Variants in L3MBTL4 observed in about 807,000 individuals in gnomAD.
The protein encoded by L3MBTL4 is lethal(3)malignant brain tumor-like protein 4.
A neutral mutation model predicts 84.5 loss-of-function variants in L3MBTL4; 70 were observed. The ratio of observed to expected loss-of-function variants is 0.83; its 90% CI spans 0.68 to 1.01. The LOEUF is 1.01. Ranked by LOEUF, L3MBTL4 falls within the 50% of genes least tolerant of loss-of-function variation. The pLI, the probability that L3MBTL4 is intolerant of heterozygous loss-of-function variation, is 0.00. For synonymous variants in L3MBTL4, 274 were observed against 259.8 expected, an observed-to-expected ratio of 1.05 and a Z score of -0.52; for missense variants, 715 against 754.8, an observed-to-expected ratio of 0.95 and a Z score of 0.62.
chr18:6,373,849 G>A (rs1428639509), intron 1 of L3MBTL4, among the ~76,000 whole-genome samples: 2 of 151,624 alleles, frequency 1.3e-5, no homozygotes, highest in Non-Finnish European at 2.9e-5. Context: ...AAACTTGAAT[G>A]TGACAGATTA....
At chr18:6,075,310 A>T (rs921770991) in intron 16 of L3MBTL4, among the ~76,000 whole-genome samples, 8 of 152,328 alleles carry the variant, frequency 5.3e-5, no homozygotes, top group Admixed American at 4.6e-4. Flanking sequence ...AAGACACCAT[A>T]GTATTGGCAC....
intron 12 of L3MBTL4, among the ~76,000 whole-genome samples, chr18:6,175,260 G>A (rs997045274): frequency 1.3e-5 from 2 of 152,050 alleles, no homozygotes; most frequent in African/African-American, 4.8e-5. Flanking sequence ...GTGCAGGCAA[G>A]AAGATAATAA....
intron 14 of L3MBTL4, among the ~76,000 whole-genome samples, chr18:6,128,740 T>A (rs2059780803): frequency 6.6e-6 from 1 of 151,340 alleles, no homozygotes; most frequent in Non-Finnish European, 1.5e-5. Context: ...CATAAATTGG[T>A]GAAAAGAGCT....
chr18:5,991,677 G>A (rs895232840), intron 16 of L3MBTL4, among the ~76,000 whole-genome samples: 2 of 152,056 alleles, frequency 1.3e-5, no homozygotes, highest in African/African-American at 2.4e-5. Context: ...AAAGAACAAA[G>A]AATTAGCCAG....
intron 16 of L3MBTL4, among the ~76,000 whole-genome samples, chr18:6,051,062 C>G (rs2056820719): frequency 6.6e-6 from 1 of 152,138 alleles, no homozygotes; most frequent in Non-Finnish European, 1.5e-5. Context: ...GGAGGCACAT[C>G]CCGCAGAACT....
intron 10 of L3MBTL4, 101 bp from the exon 11 acceptor site, chr18:6,215,936 ATGCTCAC>A: frequency 3.3e-6 from 2 of 612,030 alleles, no homozygotes; most frequent in Non-Finnish European, 5.5e-6. Context: ...TGTTAATTGA[ATGCTCAC>A]CATTAAACAG....
chr18:6,386,489 G>A (rs2054824266), intron 1 of L3MBTL4, among the ~76,000 whole-genome samples: 1 of 152,208 alleles, frequency 6.6e-6, no homozygotes, highest in Non-Finnish European at 1.5e-5. Context: ...AGTAAACAAA[G>A]CAAAGTTCCA....
intron 1 of L3MBTL4, among the ~76,000 whole-genome samples, chr18:6,329,327 G>C (rs1487106979): frequency 4.0e-5 from 6 of 151,450 alleles, no homozygotes; most frequent in African/African-American, 1.5e-4. Context: ...CTAATTTTTT[G>C]TATTTTTAGT....
intron 14 of L3MBTL4, among the ~76,000 whole-genome samples, chr18:6,123,540 A>G (rs187189681): frequency 1.3e-5 from 2 of 151,700 alleles, no homozygotes; most frequent in African/African-American, 4.8e-5. Flanking sequence ...TGCCTTTGCT[A>G]CTCCTTCGCC....
chr18:5,969,708 C>G, intron 16 of L3MBTL4, 146 bp from the exon 17 acceptor site: 1 of 715,716 alleles, frequency 1.4e-6, no homozygotes, highest in Admixed American at 3.0e-5. Flanking sequence ...ACAGCATCAC[C>G]CCCAAGCATA....
chr18:6,224,169 A>G (rs1189634067), intron 10 of L3MBTL4, among the ~76,000 whole-genome samples: 2 of 152,270 alleles, frequency 1.3e-5, no homozygotes, highest in Admixed American at 1.3e-4. Context: ...GAACAGGTAA[A>G]AAGCCAAATG....
chr18:6,133,418 G>C (rs562288141), intron 14 of L3MBTL4, among the ~76,000 whole-genome samples: 5 of 152,086 alleles, frequency 3.3e-5, no homozygotes, highest in African/African-American at 1.2e-4. Context: ...TATACTCCTA[G>C]TGCTTGTCTA....
intron 16 of L3MBTL4, among the ~76,000 whole-genome samples, chr18:6,066,593 A>G (rs1404055694): frequency 1.3e-5 from 2 of 152,130 alleles, no homozygotes; most frequent in Non-Finnish European, 2.9e-5. Flanking sequence ...TAATCCTCTT[A>G]TCATTACATA....
chr18:6,196,496 A>G (rs923808379), intron 12 of L3MBTL4, among the ~76,000 whole-genome samples: 5 of 151,794 alleles, frequency 3.3e-5, no homozygotes, highest in African/African-American at 4.8e-5. Flanking sequence ...TCTTAACTTG[A>G]CTCTGAATGC....
At position 6,188,419 on chromosome 18, in the gene L3MBTL4, AATTAGAAGT is replaced by A. The variant is rs758765733; in HGVS notation, c.982-16486_982-16478del. On this transcript the variant is annotated intron_variant, in intron 12 of 18. Coordinates refer to ENST00000317931, the MANE Select transcript of L3MBTL4 (RefSeq NM_001330559.2). ...AGGATGTTGAACTTCAGAACAGGACAATTAGAAGTATTAGAACTAGAAAATGTCTAGAAA... is the reference window on the plus strand; with the variant it reads ...AGGATGTTGAACTTCAGAACAGGACAATTAGAACTAGAAAATGTCTAGAAA... Among the ~76,000 whole-genome samples, 104 of 152,144 alleles carry A rather than the reference AATTAGAAGT, an allele frequency of 6.8e-4. 1 individual carries two copies. The highest frequency in any genetic ancestry group is 2.1e-3 in the African/African-American group (89 of 41,540).
intron 12 of L3MBTL4, among the ~76,000 whole-genome samples, chr18:6,191,766 T>A (rs527581470): frequency 6.6e-6 from 1 of 152,038 alleles, no homozygotes; most frequent in Non-Finnish European, 1.5e-5. Context: ...GGCAGGATGA[T>A]TGCTTGAGTC....
chr18:6,291,666 A>T (rs1356018111), intron 4 of L3MBTL4, among the ~76,000 whole-genome samples: 1 of 152,198 alleles, frequency 6.6e-6, no homozygotes, highest in East Asian at 1.9e-4. Flanking sequence ...ATGAAACTGG[A>T]CCCGTATCTC....
intron 15 of L3MBTL4, among the ~76,000 whole-genome samples, chr18:6,081,993 A>G (rs2058094631): frequency 6.6e-6 from 1 of 152,194 alleles, no homozygotes; most frequent in African/African-American, 2.4e-5. Context: ...AACCACATGT[A>G]CTTAATCACC....
At chr18:6,215,517 C>T (rs1461993495) in intron 11 of L3MBTL4, among the ~76,000 whole-genome samples, 2 of 152,024 alleles carry the variant, frequency 1.3e-5, no homozygotes, top group African/African-American at 4.8e-5. Context: ...TCAATTGTAC[C>T]TCTGATTTGC....
Sources: allele counts gnomAD v4.1 joint callset (sites outside exome capture counted in the v4.1 genomes callset), GRCh38; gene constraint gnomAD v4.1.1; transcripts MANE v1.5; gene names NCBI Gene and HGNC (gene_info 2026-07-23, HGNC 2026-07-21).